KANK1: variants seen among roughly 807,000 people sequenced by gnomAD.
KANK1 encodes the protein KN motif and ankyrin repeat domain-containing protein 1.
In KANK1, 109 loss-of-function variants were observed where a neutral mutation model predicts 106.2. The observed-to-expected ratio is 1.03, with a 90% confidence interval of 0.88 to 1.20. The LOEUF is 1.20. Among genes scored for constraint, KANK1 ranks in the 50% most tolerant of loss-of-function variants. The probability of loss-of-function intolerance (pLI) is 0.00; values close to 1 mark genes in which losing one functional copy is unlikely to be tolerated. For synonymous variants in KANK1, 873 were observed against 652.2 expected, an observed-to-expected ratio of 1.34 and a Z score of -5.16; for missense variants, 2,399 against 1,710.7, an observed-to-expected ratio of 1.40 and a Z score of -7.10.
chr9:691,618 T>TC (rs59108460), intron 2 of KANK1, among the ~76,000 whole-genome samples: 7 of 133,868 alleles, frequency 5.2e-5, no homozygotes, highest in East Asian at 2.2e-4. Context: ...AGAATTTTTT[T>TC]TTTTTTTTTT....
intron 1 of KANK1, among the ~76,000 whole-genome samples, chr9:518,104 T>C (rs1022370075): frequency 6.6e-6 from 1 of 151,666 alleles, no homozygotes; most frequent in Non-Finnish European, 1.5e-5. Context: ...TGGAAAAAAG[T>C]GTCACTCTTT....
At chr9:594,141 C>G (rs1825656879) in intron 1 of KANK1, among the ~76,000 whole-genome samples, 1 of 151,844 alleles carries the variant, frequency 6.6e-6, no homozygotes, top group Non-Finnish European at 1.5e-5. Flanking sequence ...TTCACAGTAC[C>G]CACCTTATTA....
At chr9:596,493 T>C (rs1401695658) in intron 1 of KANK1, among the ~76,000 whole-genome samples, 2 of 151,826 alleles carry the variant, frequency 1.3e-5, no homozygotes, top group Non-Finnish European at 2.9e-5. Flanking sequence ...TGGATCATTT[T>C]GCTGTCACGG....
chr9:736,182 T>A (rs1055890408), intron 7 of KANK1, among the ~76,000 whole-genome samples: 2 of 152,120 alleles, frequency 1.3e-5, no homozygotes, highest in Non-Finnish European at 2.9e-5. Flanking sequence ...ATGGTCTCGA[T>A]CTCCTGACCT....
Position 711,419 on chromosome 9 carries a change from G to T in KANK1, c.653G>T (p.Gly218Val), listed in dbSNP as rs1398276444. The T allele has an allele frequency of 6.2e-7, 1 of 1,614,138 alleles. No homozygotes were observed. The highest frequency in any genetic ancestry group is 1.7e-5 in the Admixed American group (1 of 60,022). Reference sequence around the variant, plus strand: ...CACCAGCTTCAGAATGGATACCAAGGTAATGGGGATTATGGTAGCTATGCC... The same window carrying T: ...CACCAGCTTCAGAATGGATACCAAGTTAATGGGGATTATGGTAGCTATGCC... ...AKHQLQNGYQ[G>V]NGDYGSYAPA... The change falls in exon 3 of 12, where the codon GGT becomes GTT. Residue 218 changes from glycine (G) to valine (V), a missense_variant. Physicochemically the swap from Gly to Val is moderately radical, Grantham distance 109 (BLOSUM62 -3). Transcript: ENST00000382297.
At chr9:694,406 C>A (rs867963311) in intron 2 of KANK1, among the ~76,000 whole-genome samples, 41 of 152,304 alleles carry the variant, frequency 2.7e-4, no homozygotes, top group African/African-American at 9.6e-4. Context: ...AGTCCAAGCT[C>A]ATTCTCTTCT....
At chr9:544,507 C>A (rs773812424) in intron 1 of KANK1, among the ~76,000 whole-genome samples, 2 of 152,134 alleles carry the variant, frequency 1.3e-5, no homozygotes, top group Non-Finnish European at 2.9e-5. Context: ...AATAGATGGA[C>A]CGGCCAACAA....
chr9:686,870 C>A (rs1234832370), intron 2 of KANK1: 1 of 985,112 alleles, frequency 1.0e-6, no homozygotes, highest in African/African-American at 1.7e-5. Flanking sequence ...CACAACACCT[C>A]AGGACACTGA....
chr9:696,382 G>A (rs989627191), intron 2 of KANK1, among the ~76,000 whole-genome samples: 15 of 152,184 alleles, frequency 9.9e-5, no homozygotes, highest in African/African-American at 3.4e-4. Flanking sequence ...ACACAGTTCC[G>A]CGTATATAGG....
intron 2 of KANK1, among the ~76,000 whole-genome samples, chr9:687,767 T>G (rs952829568): frequency 2.6e-5 from 4 of 152,216 alleles, no homozygotes; most frequent in Non-Finnish European, 5.9e-5. Context: ...TTCCTCTTCT[T>G]TATTCCTTTT....
At chr9:660,654 C>T (rs1441943644) in intron 1 of KANK1, among the ~76,000 whole-genome samples, 1 of 152,196 alleles carries the variant, frequency 6.6e-6, no homozygotes. Flanking sequence ...CTCCTCCGCT[C>T]TCCCTCTGCA....
chr9:643,563 T>TTA (rs1327162308), intron 1 of KANK1, among the ~76,000 whole-genome samples: 1 of 147,278 alleles, frequency 6.8e-6, no homozygotes, highest in East Asian at 1.9e-4. Context: ...TTTTTTTTTT[T>TTA]TGGTAGTGAT....
chr9:699,063 C>T (rs1363109119), intron 2 of KANK1, among the ~76,000 whole-genome samples: 1 of 152,154 alleles, frequency 6.6e-6, no homozygotes, highest in African/African-American at 2.4e-5. Context: ...ATGCTCTTTC[C>T]TCTGCCTAGA....
At chr9:489,704 T>TGC (rs1180774854) in intron 3 of KANK1, among the ~76,000 whole-genome samples, 123 of 152,352 alleles carry the variant, frequency 8.1e-4, no homozygotes, top group African/African-American at 2.9e-3. Flanking sequence ...TGCCCAGCAC[T>TGC]TAGCAGGCAT....
intron 3 of KANK1, among the ~76,000 whole-genome samples, chr9:498,846 C>A (rs973627332): frequency 1.3e-5 from 2 of 152,270 alleles, no homozygotes; most frequent in South Asian, 2.1e-4. Context: ...AAGTGTATAG[C>A]TACTTTGGAA....
intron 1 of KANK1, among the ~76,000 whole-genome samples, chr9:596,577 C>CA (rs1826275121): frequency 1.3e-5 from 2 of 151,806 alleles, no homozygotes; most frequent in Admixed American, 1.3e-4. Flanking sequence ...TAGAGTGTTT[C>CA]ACAGAGAGGC....
chr9:692,744 G>T lies in KANK1; in HGVS notation c.37+15735G>T, dbSNP rs566770670. 3.9e-4 allele frequency among the ~76,000 whole-genome samples: 59 copies of T among 151,936 alleles called. 1 individual carries two copies. The highest frequency in any genetic ancestry group is 1.4e-3 in the African/African-American group (59 of 41,430). ...AAAAAAAAATTCTGGGCCATGTGTG[G>T]TGGTTCATGCCTGTAATCCCAGCAC... On this transcript the variant is annotated intron_variant, in intron 2 of 11. Coordinates refer to ENST00000382297, the MANE Select transcript of KANK1 (RefSeq NM_015158.5).
At chr9:483,684 C>G (rs1216699643) in intron 3 of KANK1, among the ~76,000 whole-genome samples, 1 of 152,184 alleles carries the variant, frequency 6.6e-6, no homozygotes, top group Non-Finnish European at 1.5e-5. Context: ...AGTTTATAGT[C>G]TCTTAGGCAA....
chr9:622,454 A>G (rs1833369071), intron 1 of KANK1, among the ~76,000 whole-genome samples: 1 of 152,196 alleles, frequency 6.6e-6, no homozygotes, highest in Non-Finnish European at 1.5e-5. Flanking sequence ...GGAGGATTGC[A>G]TAGAAGCATC....
Sources: allele counts gnomAD v4.1 joint callset (sites outside exome capture counted in the v4.1 genomes callset), GRCh38; gene constraint gnomAD v4.1.1; transcripts MANE v1.5; gene names NCBI Gene and HGNC (gene_info 2026-07-23, HGNC 2026-07-21).